TTLL11: variants seen among roughly 807,000 people sequenced by gnomAD.
TTLL11 encodes tubulin polyglutamylase TTLL11.
A neutral mutation model predicts 51.7 loss-of-function variants in TTLL11; 42 were observed. That is an observed-to-expected ratio of 0.81 (90% confidence interval 0.64 to 1.05). TTLL11 has a LOEUF of 1.05. Ranked by LOEUF, TTLL11 falls within the 50% of genes least tolerant of loss-of-function variation. The pLI is 0.00. For synonymous variants in TTLL11, 381 were observed against 383.5 expected, an observed-to-expected ratio of 0.99 and a Z score of 0.08; for missense variants, 799 against 940.4, an observed-to-expected ratio of 0.85 and a Z score of 1.97.
rs1450791147 is a variant in TTLL11, at chr9:121,821,164, T to C, written c.*1423A>G. On this transcript the variant is annotated 3_prime_UTR_variant, in exon 9 of 9. Transcript: ENST00000321582. The surrounding 1 kb of genome is among the most constrained non-coding windows in gnomAD (Gnocchi z 5.0). ...AAGTAACTTGTTTCCACAGATGCTT[T>C]TGAGTACCTGTTATGAACCAGGTCA... Among the ~76,000 whole-genome samples the C allele has an allele frequency of 6.6e-6, 1 of 152,106 alleles. No homozygotes were observed. The highest frequency in any genetic ancestry group is 6.5e-5 in the Admixed American group (1 of 15,274).
chr9:121,989,033 C>G lies in TTLL11; in HGVS notation c.1269+162G>C. ...AATCACACAGGGAGCAAACAGAAAGCTTGGAAGTTGGGCCCAGGTTTAACA... is the reference window on the plus strand; with the variant it reads ...AATCACACAGGGAGCAAACAGAAAGGTTGGAAGTTGGGCCCAGGTTTAACA... On this transcript the variant is annotated intron_variant, in intron 4 of 8. Transcript: ENST00000321582. The surrounding 1 kb of genome is among the most constrained non-coding windows in gnomAD (Gnocchi z 4.2). 4 of 1,494,076 alleles carry G rather than the reference C, an allele frequency of 2.7e-6. No individual in the cohort carries two copies. 92.6% of individuals were successfully genotyped at this position (1,494,076 alleles called of 1,614,324 possible).
chr9:122,060,568 C>G (rs571992186), intron 1 of TTLL11, among the ~76,000 whole-genome samples: 1 of 152,322 alleles, frequency 6.6e-6, no homozygotes, highest in South Asian at 2.1e-4. Flanking sequence ...GGACCAGACA[C>G]AAGCTAGTGC....
chr9:122,012,053 T>G (rs1843806393), intron 3 of TTLL11, among the ~76,000 whole-genome samples: 2 of 152,172 alleles, frequency 1.3e-5, no homozygotes, highest in African/African-American at 2.4e-5. Context: ...TGCTTTGCCT[T>G]TCATTAGAAC....
In TTLL11 at chr9:121,911,755, G is replaced by A. The variant is rs1477369173; in HGVS notation, c.1482-41007C>T. On this transcript the variant is annotated intron_variant, in intron 6 of 8. Coordinates refer to ENST00000321582, the MANE Select transcript of TTLL11 (RefSeq NM_001139442.2). Reference sequence around the variant, plus strand: ...AATGAGAACACATGGACACGGAGGGGAACATCACACACCGGGGTCTGTTGT... The same window carrying A: ...AATGAGAACACATGGACACGGAGGGAAACATCACACACCGGGGTCTGTTGT... 3.3e-5 allele frequency among the ~76,000 whole-genome samples: 5 copies of A among 152,198 alleles called. No homozygotes were observed. In the East Asian group the frequency reaches 9.7e-4, roughly 30 times the overall value.
At chr9:122,056,739 C>T (rs1263720888) in intron 1 of TTLL11, among the ~76,000 whole-genome samples, 2 of 152,230 alleles carry the variant, frequency 1.3e-5, no homozygotes, top group Admixed American at 6.5e-5. Flanking sequence ...CCACTCAAAG[C>T]ACTGCATCTT....
intron 8 of TTLL11, among the ~76,000 whole-genome samples, chr9:121,846,390 G>T (rs998044870): frequency 6.6e-6 from 1 of 152,140 alleles, no homozygotes; most frequent in Admixed American, 6.5e-5. Flanking sequence ...CAGAAAATTG[G>T]TAAGGGTATA....
chr9:122,024,265 TA>T (rs1259817481), intron 3 of TTLL11, among the ~76,000 whole-genome samples: 1 of 152,096 alleles, frequency 6.6e-6, no homozygotes, highest in Non-Finnish European at 1.5e-5. Flanking sequence ...CGCTAAAAAC[TA>T]AAAAACACTG....
intron 6 of TTLL11, among the ~76,000 whole-genome samples, chr9:121,886,013 G>A (rs1838999844): frequency 6.6e-6 from 1 of 152,226 alleles, no homozygotes; most frequent in Non-Finnish European, 1.5e-5. Context: ...ACAGGCATGA[G>A]CCACCGTGCC....
chr9:121,925,958 T>C (rs1840712664), intron 6 of TTLL11, among the ~76,000 whole-genome samples: 1 of 152,212 alleles, frequency 6.6e-6, no homozygotes, highest in African/African-American at 2.4e-5. Context: ...TTCCCACTTT[T>C]CTTGTGCCAC....
At chr9:121,982,997 G>A (rs1443636441) in intron 4 of TTLL11, among the ~76,000 whole-genome samples, 1 of 152,170 alleles carries the variant, frequency 6.6e-6, no homozygotes, top group Non-Finnish European at 1.5e-5. Flanking sequence ...GCATCTCCTT[G>A]GCTACAGTGA....
intron 6 of TTLL11, among the ~76,000 whole-genome samples, chr9:121,896,861 G>A (rs577721079): frequency 6.6e-6 from 1 of 152,286 alleles, no homozygotes; most frequent in African/African-American, 2.4e-5. Context: ...AAAGAAAAAC[G>A]CGTACAGGGA....
At chr9:121,928,353 G>A (rs543250821) in intron 6 of TTLL11, among the ~76,000 whole-genome samples, 2 of 152,044 alleles carry the variant, frequency 1.3e-5, no homozygotes, top group East Asian at 3.9e-4. Context: ...ACATAACCAT[G>A]AAACCATCAC....
intron 1 of TTLL11, among the ~76,000 whole-genome samples, chr9:122,053,844 G>A (rs937059836): frequency 6.6e-6 from 1 of 152,090 alleles, no homozygotes; most frequent in Non-Finnish European, 1.5e-5. Context: ...TTGGGAATCT[G>A]AAGGGAGAGG....
chr9:121,851,824 A>C (rs1333021921), intron 8 of TTLL11, among the ~76,000 whole-genome samples: 2 of 114,870 alleles, frequency 1.7e-5, no homozygotes, highest in Non-Finnish European at 3.5e-5. Flanking sequence ...GAACGGATGG[A>C]TGAGAGGAGT....
At chr9:122,076,677 T>C (rs1845868837) in intron 1 of TTLL11, among the ~76,000 whole-genome samples, 1 of 146,412 alleles carries the variant, frequency 6.8e-6, no homozygotes, top group East Asian at 2.0e-4. Context: ...CCTCAAAGAA[T>C]GATCAGCAAG....
chr9:122,027,490 C>A lies in TTLL11; in HGVS notation c.693+4233G>T, dbSNP rs189912404. On this transcript the variant is annotated intron_variant, in intron 3 of 8. Coordinates refer to ENST00000321582, the MANE Select transcript of TTLL11 (RefSeq NM_001139442.2). ...CAGAAAAAGGACATTAGTAGGACAA[C>A]AGGCAAAATGCAAATAAAGAGCATA... Among the ~76,000 whole-genome samples the A allele has an allele frequency of 8.3e-4, 127 of 152,274 alleles. No homozygotes were observed. In the Middle Eastern group the frequency reaches 0.01, roughly 12 times the overall value.
chr9:121,864,163 C>T lies in TTLL11; in HGVS notation c.1734-3720G>A, dbSNP rs78353306. Among the ~76,000 whole-genome samples the T allele has an allele frequency of 8.5e-5, 13 of 152,330 alleles. No individual in the cohort carries two copies. In the East Asian group the frequency reaches 2.5e-3, roughly 29 times the overall value. On this transcript the variant is annotated intron_variant, in intron 7 of 8. Coordinates refer to ENST00000321582, the MANE Select transcript of TTLL11 (RefSeq NM_001139442.2). ...AATGAATTTTTCATCCATCTATCCACTGAATGAGAATTTATTTGTGTCCTC... is the reference window on the plus strand; with the variant it reads ...AATGAATTTTTCATCCATCTATCCATTGAATGAGAATTTATTTGTGTCCTC...
At chr9:121,833,330 T>G (rs1425757428) in intron 8 of TTLL11, among the ~76,000 whole-genome samples, 4 of 152,170 alleles carry the variant, frequency 2.6e-5, no homozygotes, top group African/African-American at 9.7e-5. Context: ...GTCAATAGGC[T>G]GGGTGAGGAT....
At chr9:121,849,509 T>C (rs955368679) in intron 8 of TTLL11, among the ~76,000 whole-genome samples, 2 of 152,138 alleles carry the variant, frequency 1.3e-5, no homozygotes, top group Non-Finnish European at 2.9e-5. Flanking sequence ...ATATATCTGA[T>C]AAAGAACTTG....
Sources: gnomAD v4.1 joint callset for allele counts (sites outside exome capture counted in the v4.1 genomes callset) on GRCh38, gnomAD v4.1.1 for gene constraint, Gnocchi (gnomAD v3.1) non-coding constraint, MANE v1.5 for transcripts, NCBI Gene and HGNC (gene_info 2026-07-23, HGNC 2026-07-21) for gene names.